The following ABCA6 variants were observed in gnomAD, a reference collection of about 807,000 sequenced individuals.
ABCA6 encodes the protein ATP-binding cassette sub-family A member 6.
A neutral mutation model predicts 191.2 loss-of-function variants in ABCA6; 164 were observed. The observed-to-expected ratio is 0.86, with a 90% CI of 0.76 to 0.98. The LOEUF is 0.98. Ranked by LOEUF, ABCA6 falls within the 50% of genes least tolerant of loss-of-function variation. ABCA6 has a pLI of 0.00. For synonymous variants in ABCA6, 636 were observed against 647.7 expected, an observed-to-expected ratio of 0.98 and a Z score of 0.27; for missense variants, 1,958 against 1,894.1, an observed-to-expected ratio of 1.03 and a Z score of -0.63.
Position 69,085,072 on chromosome 17 carries a change from G to A in ABCA6, c.4140C>T (p.Ala1380=), listed in dbSNP as rs1314493279. ...CGTCCGCTTTCCTGAGCCCCTTGAC[G>A]GCAGCATACACCTCCAGGTGTTCCC... The part of the protein sequence containing the change: ...TLREHLEVYA[A]VKGLRKADAR... The change falls in exon 32 of 39, where the codon GCC becomes GCT. Residue 1380 remains alanine, a synonymous_variant. Transcript: ENST00000284425. The A allele has an allele frequency of 3.7e-6, 6 of 1,613,482 alleles. No individual in the cohort carries two copies. The highest frequency in any genetic ancestry group is 5.1e-6 in the Non-Finnish European group (6 of 1,179,838).
chr17:69,140,607 C>T lies in ABCA6; in HGVS notation c.96+1G>A. ...GGAAAGAGACAAATTTTTAAACATA[C>T]CAATAAGCTCTCTCTTTTCATCCTC... On this transcript the variant is annotated splice_donor_variant, in intron 2 of 38. Coordinates refer to ENST00000284425, the MANE Select transcript of ABCA6 (RefSeq NM_080284.3). LOFTEE classifies it high-confidence loss of function. The T allele has an allele frequency of 6.3e-7, 1 of 1,590,176 alleles. No homozygotes were observed. Among genetic ancestry groups the T allele is most frequent in the African/African-American group, 1.4e-5 (1 of 73,718 alleles).
At chr17:69,128,861 C>A (rs1243757801) in intron 7 of ABCA6, 57 bp from the exon 8 acceptor site, 69 of 1,339,394 alleles carry the variant, frequency 5.2e-5, no homozygotes, top group Non-Finnish European at 6.7e-5. Flanking sequence ...CACTGAGAAT[C>A]ATTGGCAGCC....
intron 18 of ABCA6, among the ~76,000 whole-genome samples, chr17:69,107,066 C>T (rs1169705760): frequency 6.6e-6 from 1 of 152,138 alleles, no homozygotes; most frequent in Non-Finnish European, 1.5e-5. Flanking sequence ...ATCATCAGCT[C>T]TGAACTACCA....
chr17:69,085,519 C>CAA (rs35438104), intron 31 of ABCA6, 106 bp downstream of exon 31: 16,506 of 472,230 alleles, frequency 0.035, 90 homozygotes, highest in Non-Finnish European at 0.039. Context: ...TATCCAAAGG[C>CAA]AAAAAAAAAA....
chr17:69,092,623 G>A (rs1039903882), intron 25 of ABCA6, among the ~76,000 whole-genome samples: 11 of 152,194 alleles, frequency 7.2e-5, no homozygotes, highest in Non-Finnish European at 1.6e-4. Context: ...TACCAGTAAA[G>A]CACCACAACC....
intron 10 of ABCA6, among the ~76,000 whole-genome samples, chr17:69,121,890 T>C (rs1265827987): frequency 6.6e-6 from 1 of 152,078 alleles, no homozygotes; most frequent in Admixed American, 6.6e-5. Flanking sequence ...ATGGAGCTGG[T>C]ATACTCCTAG....
Position 69,124,882 on chromosome 17 carries a change from A to G in ABCA6, c.1267+6T>C. The G allele has an allele frequency of 6.5e-7, 1 of 1,542,028 alleles. No individual in the cohort carries two copies. ...AGAGGACAGAGAAAAACTCACTATT[A>G]CTTACAGGGTAAAATTTTGTCAAAG... On this transcript the variant is annotated splice_donor_region_variant and intron_variant, in intron 9 of 38. Coordinates refer to ENST00000284425, the MANE Select transcript of ABCA6 (RefSeq NM_080284.3).
chr17:69,137,369 C>T lies in ABCA6; in HGVS notation c.228G>A (p.Met76Ile), dbSNP rs1025431703. Residue 76 changes from methionine (M) to isoleucine (I), a missense_variant, in exon 3 of 39, where the codon ATG becomes ATA. Transcript: ENST00000284425. The part of the protein sequence containing the change: ...RVDKFNSSSL[M>I]VVYTPISNLT... ...AATTAGATATTGGTGTATACACAAC[C>T]ATTAAAGAAGAGCTATTAAATTTAT... is the stretch of plus-strand genomic sequence containing the variant. 1 of 1,613,634 alleles carries T rather than the reference C, an allele frequency of 6.2e-7. No homozygotes were observed. Among genetic ancestry groups the T allele is most frequent in the Non-Finnish European group, 8.5e-7 (1 of 1,179,748 alleles).
At chr17:69,088,380 G>A in intron 27 of ABCA6, 122 bp from the exon 28 acceptor site, 1 of 703,538 alleles carries the variant, frequency 1.4e-6, no homozygotes. Flanking sequence ...TCATAAGCTG[G>A]GGGAGAAATG....
intron 22 of ABCA6, chr17:69,099,725 C>T (rs2073131320): frequency 6.5e-6 from 1 of 154,190 alleles, no homozygotes; most frequent in African/African-American, 2.4e-5. Flanking sequence ...CTCGAGTCAT[C>T]CTGTGCAGCA....
At chr17:69,127,973 A>G (rs1362655903) in intron 8 of ABCA6, among the ~76,000 whole-genome samples, 1 of 152,148 alleles carries the variant, frequency 6.6e-6, no homozygotes, top group African/African-American at 2.4e-5. Context: ...TAAAAACGTC[A>G]TGTTGAATGA....
intron 11 of ABCA6, 95 bp downstream of exon 11, chr17:69,117,803 A>G: frequency 1.2e-6 from 1 of 840,680 alleles, no homozygotes; most frequent in Non-Finnish European, 1.9e-6. Context: ...TCTTTTGCTT[A>G]TCTACATATT....
At chr17:69,135,985 CCT>C (rs766192077) in intron 4 of ABCA6, 105 bp downstream of exon 4, 135 of 1,080,672 alleles carry the variant, frequency 1.2e-4, no homozygotes, top group Non-Finnish European at 1.8e-4. Context: ...ATGGGCTTTC[CCT>C]GTTTTCTCAT....
At chr17:69,098,945 C>T (rs139431847) in intron 22 of ABCA6, among the ~76,000 whole-genome samples, 25 of 152,256 alleles carry the variant, frequency 1.6e-4, no homozygotes, top group Non-Finnish European at 2.5e-4. Flanking sequence ...AATTTTATAT[C>T]ATGTATTATT....
chr17:69,128,510 A>G, intron 8 of ABCA6, 109 bp downstream of exon 8: 1 of 773,558 alleles, frequency 1.3e-6, no homozygotes, highest in Non-Finnish European at 1.8e-6. Context: ...AACTTTAGAA[A>G]AATTGTTTAG....
rs2073723785 is a variant in ABCA6 at position 69,125,015 on chromosome 17, G to A, written c.1140C>T (p.Asn380=). The change falls in exon 9 of 39, where the codon AAC becomes AAT. Residue 380 remains asparagine, a synonymous_variant. Coordinates refer to ENST00000284425, the MANE Select transcript of ABCA6 (RefSeq NM_080284.3). Reference sequence around the variant, plus strand: ...GGTCAGGAAAAATTACACCATTCAAGTTATAATCCAGTTTGATAATCTAAG... The same window carrying A: ...GGTCAGGAAAAATTACACCATTCAAATTATAATCCAGTTTGATAATCTAAG... ...GMIQIIKLDY[N]LNGVIFPDPS... is the part of the protein sequence containing the mutation. 1 of 1,410,906 alleles carries A rather than the reference G, an allele frequency of 7.1e-7. No individual in the cohort carries two copies. The highest frequency in any genetic ancestry group is 2.4e-5 in the Admixed American group (1 of 41,538). The allele number at this position is 1,410,906 out of a possible 1,614,324, so 87.4% of individuals were successfully genotyped here. A position where few individuals can be genotyped will look rare whatever the true frequency, so the allele number is the denominator to read the frequency against.
At chr17:69,112,773 A>G (rs1444120310) in intron 15 of ABCA6, 1 of 154,582 alleles carries the variant, frequency 6.5e-6, no homozygotes, top group Non-Finnish European at 1.4e-5. Context: ...TATCCATGTA[A>G]CAAAACGGTA....
Position 69,098,034 on chromosome 17 carries a change from A to G in ABCA6, c.3013-7T>C. 6.4e-7 allele frequency: 1 copy of G among 1,563,710 alleles called. No homozygotes were observed. The highest frequency in any genetic ancestry group is 1.4e-5 in the African/African-American group (1 of 71,964). ...TCCAGAGTCCTATGTGGCTCTGAAA[A>G]TATAAAGGGTAGCTTAAACTAGTGA... On this transcript the variant is annotated splice_region_variant and splice_polypyrimidine_tract_variant and intron_variant, in intron 22 of 38. Transcript: ENST00000284425.
Position 69,107,802 on chromosome 17 carries a change from A to G in ABCA6, c.2283T>C (p.Ser761=). 6.2e-7 allele frequency: 1 copy of G among 1,605,126 alleles called. No individual in the cohort carries two copies. Among genetic ancestry groups the G allele is most frequent in the South Asian group, 1.1e-5 (1 of 89,450 alleles). Residue 761 remains serine, a synonymous_variant, in exon 18 of 39, where the codon AGT becomes AGC. Coordinates refer to ENST00000284425, the MANE Select transcript of ABCA6 (RefSeq NM_080284.3). ...CCTGGTCAGAACACTTATCCAGATC[A>G]CTGAAAAGATCTAAGGCAAAAAAAT... The part of the protein sequence containing the change: ...ERTNTFPDLF[S]DLDKCSDQGV...
Sources: allele counts gnomAD v4.1 joint callset (sites outside exome capture counted in the v4.1 genomes callset), GRCh38; gene constraint gnomAD v4.1.1; transcripts MANE v1.5; gene names NCBI Gene and HGNC (gene_info 2026-07-23, HGNC 2026-07-21).